The following FOXN2 variants were observed in gnomAD, a reference collection of about 807,000 sequenced individuals.
The protein encoded by FOXN2 is forkhead box N2.
In FOXN2, 19 loss-of-function variants were observed where a neutral mutation model predicts 41.2. The observed-to-expected ratio is 0.46, with a 90% CI of 0.32 to 0.68. The LOEUF is 0.68. Ranked by LOEUF, FOXN2 falls within the 30% of genes least tolerant of loss-of-function variation. The pLI is 0.03. For synonymous variants in FOXN2, 195 were observed against 176.8 expected (o/e 1.10, Z -0.82); for missense variants, 587 against 509.4 (o/e 1.15, Z -1.47).
chr2:48,331,598 A>G (rs1041613111), intron 2 of FOXN2, among the ~76,000 whole-genome samples: 3 of 152,114 alleles, frequency 2.0e-5, no homozygotes, highest in African/African-American at 7.2e-5. Flanking sequence ...CAAGAGGATC[A>G]CTTGAGCCCA....
At position 48,346,696 on chromosome 2, in the gene FOXN2, G is replaced by A. The variant is rs1310716707; in HGVS notation, c.482G>A (p.Arg161Gln). The A allele has an allele frequency of 1.2e-6, 2 of 1,610,442 alleles. No individual in the cohort carries two copies. The highest frequency in any genetic ancestry group is 1.1e-5 in the South Asian group (1 of 90,616). ...TAPTGWKNSV[R>Q]HNLSLNKCFQ... ...CCAACAGGCTGGAAGAATTCTGTTCGACATAATCTGTCCCTGAATAAATGT... is the reference window on the plus strand; with the variant it reads ...CCAACAGGCTGGAAGAATTCTGTTCAACATAATCTGTCCCTGAATAAATGT... The change falls in exon 3 of 7, where the codon CGA becomes CAA. Residue 161 changes from arginine (R) to glutamine (Q), a missense_variant. By Grantham distance (43) the Arg-to-Gln change is conservative. Coordinates refer to ENST00000340553, the MANE Select transcript of FOXN2 (RefSeq NM_002158.4).
At chr2:48,314,578 G>C (rs1329065428), upstream of FOXN2, 3 of 152,310 alleles carry the variant, frequency 2.0e-5, no homozygotes, top group Non-Finnish European at 4.4e-5. Flanking sequence ...ACTGGAGGGA[G>C]GGGTGGGGCT....
chr2:48,326,101 T>G (rs1309779001), intron 1 of FOXN2, among the ~76,000 whole-genome samples: 4 of 152,152 alleles, frequency 2.6e-5, no homozygotes, highest in Non-Finnish European at 4.4e-5. Flanking sequence ...CTGCCTGCCT[T>G]GGCCTACCAG....
At chr2:48,360,071 T>G (rs576758637) in intron 4 of FOXN2, among the ~76,000 whole-genome samples, 16 of 152,272 alleles carry the variant, frequency 1.1e-4, no homozygotes, top group African/African-American at 3.1e-4. Flanking sequence ...AGTTGTACTG[T>G]ATTTGCTTAT....
At chr2:48,318,272 T>G (rs1023076462) in intron 1 of FOXN2, among the ~76,000 whole-genome samples, 1 of 152,226 alleles carries the variant, frequency 6.6e-6, no homozygotes, top group African/African-American at 2.4e-5. Flanking sequence ...GTCTTTTTTT[T>G]GTTCCAGAAT....
intron 5 of FOXN2, 25 bp downstream of exon 5, chr2:48,362,732 A>G (rs762851797): frequency 1.9e-6 from 3 of 1,581,534 alleles, no homozygotes; most frequent in African/African-American, 1.3e-5. Flanking sequence ...CAGTACAGTC[A>G]TGCACCACAC....
At chr2:48,340,147 A>G (rs1320134528) in intron 2 of FOXN2, among the ~76,000 whole-genome samples, 1 of 152,228 alleles carries the variant, frequency 6.6e-6, no homozygotes, top group African/African-American at 2.4e-5. Flanking sequence ...AAGTAAGTCA[A>G]AATTCTGATT....
intron 3 of FOXN2, among the ~76,000 whole-genome samples, chr2:48,353,009 A>G (rs1264302921): frequency 6.6e-6 from 1 of 152,124 alleles, no homozygotes; most frequent in Non-Finnish European, 1.5e-5. Flanking sequence ...GAACTATTAT[A>G]TAAGTTGAGG....
intron 3 of FOXN2, 97 bp from the exon 4 acceptor site, chr2:48,358,950 C>A: frequency 1.1e-6 from 1 of 871,006 alleles, no homozygotes; most frequent in Non-Finnish European, 1.8e-6. Flanking sequence ...TCAAAAGGTG[C>A]TAGAGATTAT....
chr2:48,328,043 T>A (rs1669795990), intron 1 of FOXN2, among the ~76,000 whole-genome samples: 1 of 152,236 alleles, frequency 6.6e-6, no homozygotes, highest in East Asian at 1.9e-4. Context: ...AGATGCTTCT[T>A]TTCAGTGGAG....
rs1007055918 is a variant in FOXN2 at position 48,378,379 on chromosome 2, T to C, written c.*2936T>C. 6.6e-6 allele frequency: 1 copy of C among 151,680 alleles called. No homozygotes were observed. The highest frequency in any genetic ancestry group is 2.4e-5 in the African/African-American group (1 of 41,188). The allele number at this position is 151,680 out of a possible 1,614,324, so 9.4% of individuals were successfully genotyped here. A position where few individuals can be genotyped will look rare whatever the true frequency, so the allele number is the denominator to read the frequency against. On this transcript the variant is annotated 3_prime_UTR_variant, in exon 7 of 7. Transcript: ENST00000340553. ...CCTTTGTATATAGTAAAGTTTAGTA[T>C]ATATATATTTTTTTCTTTTTGCTAC...
At chr2:48,326,720 A>G (rs1264433544) in intron 1 of FOXN2, among the ~76,000 whole-genome samples, 4 of 152,216 alleles carry the variant, frequency 2.6e-5, no homozygotes, top group Admixed American at 2.6e-4. Flanking sequence ...GTTTGTAGTC[A>G]AAATGCAGGT....
chr2:48,341,349 A>G (rs1346955392), intron 2 of FOXN2, among the ~76,000 whole-genome samples: 1 of 152,160 alleles, frequency 6.6e-6, no homozygotes, highest in Non-Finnish European at 1.5e-5. Flanking sequence ...AAATATACAG[A>G]TCTTTTTGTA....
At chr2:48,318,995 G>T (rs1381825153) in intron 1 of FOXN2, among the ~76,000 whole-genome samples, 1 of 152,144 alleles carries the variant, frequency 6.6e-6, no homozygotes, top group Non-Finnish European at 1.5e-5. Context: ...AAATTACTTT[G>T]ATTCTTCCCG....
intron 3 of FOXN2, among the ~76,000 whole-genome samples, chr2:48,351,769 T>G (rs1671465327): frequency 6.6e-6 from 1 of 152,134 alleles, no homozygotes; most frequent in South Asian, 2.1e-4. Context: ...ACCTGTTTCC[T>G]AAGAGGCCAT....
rs1208397165 is a variant in FOXN2, at chr2:48,347,961, A to G, written c.537+1210A>G. Among the ~76,000 whole-genome samples the G allele has an allele frequency of 2.6e-5, 4 of 151,178 alleles. No individual in the cohort carries two copies. In the South Asian group the frequency reaches 8.4e-4, roughly 32 times the overall value. On this transcript the variant is annotated intron_variant, in intron 3 of 6. Coordinates refer to ENST00000340553, the MANE Select transcript of FOXN2 (RefSeq NM_002158.4). ...TCTTTATGTAATGTCTCTTTTTTTA[A>G]TTGCTGTCTTCAGTATTTTTTCTTT...
At chr2:48,352,907 C>T (rs908871295) in intron 3 of FOXN2, among the ~76,000 whole-genome samples, 1 of 152,058 alleles carries the variant, frequency 6.6e-6, no homozygotes, top group Non-Finnish European at 1.5e-5. Context: ...CTATAAATAC[C>T]TACAAGTTGC....
chr2:48,323,003 A>C (rs1410924355), intron 1 of FOXN2, among the ~76,000 whole-genome samples: 3 of 151,808 alleles, frequency 2.0e-5, no homozygotes, highest in African/African-American at 7.2e-5. Flanking sequence ...CATGTAAGTA[A>C]ATAATTGCAT....
At chr2:48,333,420 A>G (rs1397848560) in intron 2 of FOXN2, among the ~76,000 whole-genome samples, 3 of 152,272 alleles carry the variant, frequency 2.0e-5, no homozygotes, top group African/African-American at 4.8e-5. Flanking sequence ...ACATTTAGGT[A>G]CTTCTGACAT....
Sources: allele counts gnomAD v4.1 joint callset (sites outside exome capture counted in the v4.1 genomes callset), GRCh38; gene constraint gnomAD v4.1.1; transcripts MANE v1.5; gene names NCBI Gene and HGNC (gene_info 2026-07-23, HGNC 2026-07-21).